The following ZNF536 variants were observed in gnomAD, a reference collection of about 807,000 sequenced individuals.
ZNF536 encodes zinc finger protein 536.
ZNF536 carries 13 observed loss-of-function variants against 84.5 expected under a neutral mutation model. The ratio of observed to expected loss-of-function variants is 0.15; its 90% CI spans 0.10 to 0.24. The LOEUF (loss-of-function observed/expected upper bound fraction) is 0.24, where lower values mean the gene tolerates loss of function less well. Ranked by LOEUF, ZNF536 falls within the 10% of genes least tolerant of loss-of-function variation. The pLI is 1.00. For synonymous variants in ZNF536, 811 were observed against 742.5 expected (o/e 1.09, Z -1.50); for missense variants, 1,536 against 1,747.5 (o/e 0.88, Z 2.16).
At chr19:30,439,904 G>A (rs1001225864) in intron 1 of ZNF536, among the ~76,000 whole-genome samples, 1 of 151,360 alleles carries the variant, frequency 6.6e-6, no homozygotes, top group Non-Finnish European at 1.5e-5. Context: ...AGTTAGGGGT[G>A]TGGACAGCTT....
chr19:30,645,504 C>A (rs181164835), intron 1 of ZNF536, among the ~76,000 whole-genome samples: 47 of 152,304 alleles, frequency 3.1e-4, no homozygotes, highest in Admixed American at 6.5e-4. Flanking sequence ...TAGGACACTC[C>A]TGTTATTATT....
At chr19:30,581,662 G>A (rs1023057289) in intron 1 of ZNF536, among the ~76,000 whole-genome samples, 3 of 152,108 alleles carry the variant, frequency 2.0e-5, no homozygotes, top group Non-Finnish European at 4.4e-5. Context: ...GAGTGGGCCA[G>A]CGCAATGGCT....
At chr19:30,517,659 T>C (rs1310822003) in intron 2 of ZNF536, among the ~76,000 whole-genome samples, 1 of 151,952 alleles carries the variant, frequency 6.6e-6, no homozygotes, top group African/African-American at 2.4e-5. Flanking sequence ...TGGCGGTGCA[T>C]ACGCCCCAGC....
At chr19:30,540,923 G>C (rs542150343) in intron 3 of ZNF536, among the ~76,000 whole-genome samples, 3 of 152,216 alleles carry the variant, frequency 2.0e-5, no homozygotes, top group East Asian at 1.9e-4. Flanking sequence ...CCCAGGCCAG[G>C]CTTCCTTGGC....
At chr19:30,637,199 T>G (rs2049098774) in intron 1 of ZNF536, among the ~76,000 whole-genome samples, 1 of 152,236 alleles carries the variant, frequency 6.6e-6, no homozygotes. Context: ...ATTCTTCATG[T>G]CTTCCAGCAA....
At chr19:30,425,747 GGA>G (rs1341112985) in intron 1 of ZNF536, among the ~76,000 whole-genome samples, 2 of 152,202 alleles carry the variant, frequency 1.3e-5, no homozygotes, top group African/African-American at 4.8e-5. Context: ...GCTGGGGCAT[GGA>G]ACATTCTGAA....
intron 1 of ZNF536, among the ~76,000 whole-genome samples, chr19:30,696,769 A>G (rs2051678016): frequency 6.6e-6 from 1 of 152,144 alleles, no homozygotes; most frequent in Non-Finnish European, 1.5e-5. Context: ...GCTGGGAGGC[A>G]TGGGAGACTC....
intron 2 of ZNF536, among the ~76,000 whole-genome samples, chr19:30,470,632 G>C (rs2053593357): frequency 6.6e-6 from 1 of 150,712 alleles, no homozygotes; most frequent in South Asian, 2.1e-4. Flanking sequence ...CCTTGTTTTT[G>C]ATGACCTCAA....
intron 1 of ZNF536, among the ~76,000 whole-genome samples, chr19:30,246,674 G>T (rs2024297817): frequency 6.6e-6 from 1 of 152,212 alleles, no homozygotes; most frequent in Non-Finnish European, 1.5e-5. Context: ...AGTGAATGAA[G>T]AGTGTGGGTC....
chr19:30,264,310 G>A (rs2025380931), intron 1 of ZNF536, among the ~76,000 whole-genome samples: 1 of 152,148 alleles, frequency 6.6e-6, no homozygotes, highest in African/African-American at 2.4e-5. Context: ...AGAGGAGCCG[G>A]GTAGCTGGGA....
At chr19:30,272,775 C>T (rs2025923833) in intron 1 of ZNF536, among the ~76,000 whole-genome samples, 2 of 152,326 alleles carry the variant, frequency 1.3e-5, no homozygotes, top group Admixed American at 1.3e-4. Context: ...GAATAATATT[C>T]CATTATATGG....
In ZNF536 at chr19:30,259,983, T is replaced by C. The variant is rs565751135; in HGVS notation, c.-189-24089T>C. Among the ~76,000 whole-genome samples the C allele has an allele frequency of 1.7e-4, 26 of 151,696 alleles. No homozygotes were observed. In the South Asian group the frequency reaches 3.6e-3, roughly 21 times the overall value. ...TTTCACCATCTTTGCCAGGCTGGTC[T>C]TGAACTCCTGACCTCAAGTGATCCA... On this transcript the variant is annotated intron_variant, in intron 1 of 5. Coordinates refer to the ZNF536 transcript ENST00000585628.
In ZNF536 at chr19:30,228,861, TC is replaced by T. The variant is rs562452987; in HGVS notation, c.-190+193del. The T allele has an allele frequency of 0.013, 1,935 of 150,600 alleles. 25 individuals carry two copies. The highest frequency in any genetic ancestry group is 0.022 in the Non-Finnish European group (1,494 of 67,644). 9.3% of individuals were successfully genotyped at this position (150,600 alleles called of 1,614,324 possible). A position where few individuals can be genotyped will look rare whatever the true frequency, so the allele number is the denominator to read the frequency against. On this transcript the variant is annotated intron_variant, in intron 1 of 5. Coordinates refer to the ZNF536 transcript ENST00000585628. The surrounding 1 kb of genome is among the most constrained non-coding windows in gnomAD (Gnocchi z 4.5). ...GGCTGCTCGCACAACTTTTTTTTTTTCCCCCGTCTGCTGACTTTTCGGGCCA... is the reference window on the plus strand; with the variant it reads ...GGCTGCTCGCACAACTTTTTTTTTTTCCCCGTCTGCTGACTTTTCGGGCCA...
downstream of ZNF536, among the ~76,000 whole-genome samples, chr19:30,560,759 A>G (rs1041895557): frequency 6.6e-6 from 1 of 152,246 alleles, no homozygotes; most frequent in Admixed American, 6.5e-5. Context: ...TTCTGGTTGG[A>G]GAAAAAGAAT....
intron 2 of ZNF536, among the ~76,000 whole-genome samples, chr19:30,319,859 T>G (rs1327233200): frequency 6.6e-6 from 1 of 152,254 alleles, no homozygotes; most frequent in Non-Finnish European, 1.5e-5. Context: ...AGTAAAGGTT[T>G]TTGTTGAATT....
chr19:30,683,143 G>A (rs1018879275), intron 1 of ZNF536, among the ~76,000 whole-genome samples: 3 of 152,088 alleles, frequency 2.0e-5, no homozygotes, highest in African/African-American at 7.2e-5. Context: ...TGCCCTCTAG[G>A]TGGCGCGAAA....
At position 30,547,943 on chromosome 19, in the gene ZNF536, G is replaced by A. The variant is rs2146172936; in HGVS notation, c.2324G>A (p.Gly775Asp). The part of the protein sequence containing the change: ...HLKVHLRIHT[G>D]EKPYKCPHCD... ...TTTTTCTTATATCAAAATCTTGCAG[G>A]TGAGAAACCCTACAAGTGTCCGCAC... The change falls in exon 4 of 5, where the codon GGT (glycine) becomes GAT (aspartate). Residue 775 changes from glycine (G) to aspartate (D), a missense_variant and splice_region_variant. By Grantham distance (94) the Gly-to-Asp change is moderately conservative (BLOSUM62 -1). This residue lies in a region of ZNF536 where 148 missense variants were observed against 205.4 expected (regional missense o/e 0.72). Transcript: ENST00000355537. 3 of 1,525,962 alleles carry A rather than the reference G, an allele frequency of 2.0e-6. No homozygotes were observed. Among genetic ancestry groups the A allele is most frequent in the South Asian group, 1.3e-5 (1 of 76,708 alleles). The allele number at this position is 1,525,962 out of a possible 1,614,324, so 94.5% of individuals were successfully genotyped here.
downstream of ZNF536, among the ~76,000 whole-genome samples, chr19:30,560,364 C>A (rs142435844): frequency 2.9e-3 from 435 of 151,992 alleles, no homozygotes; most frequent in African/African-American, 9.8e-3. Flanking sequence ...GGATATATAA[C>A]AAGCCCACCT....
intron 1 of ZNF536, among the ~76,000 whole-genome samples, chr19:30,625,910 A>G (rs557212635): frequency 8.3e-4 from 127 of 152,352 alleles, no homozygotes; most frequent in African/African-American, 3.0e-3. Flanking sequence ...GATTAAAAAA[A>G]AATGGTAGCT....
Sources: gnomAD v4.1 joint callset for allele counts (sites outside exome capture counted in the v4.1 genomes callset) on GRCh38, gnomAD v4.1.1 for gene constraint, gnomAD v4.1.1 regional missense constraint, Gnocchi (gnomAD v3.1) non-coding constraint, MANE v1.5 for transcripts, NCBI Gene and HGNC (gene_info 2026-07-23, HGNC 2026-07-21) for gene names.